Variants in SIDT2 observed in about 807,000 individuals in gnomAD.
SIDT2 encodes SID1 transmembrane family, member 2.
SIDT2 carries 68 observed loss-of-function variants against 114.4 expected under a neutral mutation model. The ratio of observed to expected loss-of-function variants is 0.59; its 90% CI spans 0.49 to 0.73. The LOEUF is 0.73. Among genes scored for constraint, SIDT2 ranks in the 30% least tolerant of loss-of-function variants. The pLI, the probability that SIDT2 is intolerant of heterozygous loss-of-function variation, is 0.00. For missense variants in SIDT2, 918 were observed against 1,097.1 expected, an observed-to-expected ratio of 0.84 and a Z score of 2.31; for synonymous variants, 470 against 438.4, an observed-to-expected ratio of 1.07 and a Z score of -0.90.
chr11:117,182,273 G>A (rs1460051415), intron 4 of SIDT2, 168 bp downstream of exon 4: 3 of 811,100 alleles, frequency 3.7e-6, no homozygotes, highest in Non-Finnish European at 5.9e-6. Flanking sequence ...CAGACAGCAT[G>A]GGACTGTACA....
chr11:117,189,528 C>T (rs1403525474), intron 15 of SIDT2, 127 bp downstream of exon 15: 4 of 1,014,064 alleles, frequency 3.9e-6, no homozygotes, highest in African/African-American at 3.2e-5. Context: ...TCTGCCTTCC[C>T]AGCCGAGTGA....
chr11:117,190,759 T>A lies in SIDT2; in HGVS notation c.1735+19T>A. ...CAGTTTGGTGAGTGGGGCGTCCTTC[T>A]TTTCTGGCTCAACCTACAGCAGGGA... On this transcript the variant is annotated intron_variant, in intron 18 of 25. Transcript: ENST00000324225. This position sits in a 1 kb window ranked among gnomAD's most constrained non-coding sequence, Gnocchi z 4.1. The A allele has an allele frequency of 1.9e-6, 3 of 1,594,030 alleles. 1 individual carries two copies. The South Asian group carries it at 3.3e-5, about 18-fold the overall frequency.
In SIDT2 at chr11:117,188,253, G is replaced by T; in HGVS notation, c.1160-455G>T. The stretch of plus-strand genomic sequence containing the variant: ...CATGGGGGTCACATTCTGGCCTCTG[G>T]ATAAAGGAGAAATGCTCTTTCTGCA... On this transcript the variant is annotated intron_variant, in intron 12 of 25. Coordinates refer to ENST00000324225, the MANE Select transcript of SIDT2 (RefSeq NM_001040455.2). This position sits in a 1 kb window ranked among gnomAD's most constrained non-coding sequence, Gnocchi z 4.0. 1 of 332,238 alleles carries T rather than the reference G, an allele frequency of 3.0e-6. No homozygotes were observed. Among genetic ancestry groups the T allele is most frequent in the Non-Finnish European group, 5.9e-6 (1 of 170,348 alleles). The allele number at this position is 332,238 out of a possible 1,614,324, so 20.6% of individuals were successfully genotyped here. A position where few individuals can be genotyped will look rare whatever the true frequency, so the allele number is the denominator to read the frequency against.
In SIDT2 at chr11:117,196,098, G is replaced by C; in HGVS notation, c.*32G>C. ...CTGGGCCCTTCGCTTCACCTCAAGG[G>C]GCCCTGAGCTCCTTTGTGTCATAGA... On this transcript the variant is annotated 3_prime_UTR_variant, in exon 26 of 26. Coordinates refer to ENST00000324225, the MANE Select transcript of SIDT2 (RefSeq NM_001040455.2). The surrounding 1 kb of genome is among the most constrained non-coding windows in gnomAD (Gnocchi z 4.9). 1 of 1,613,510 alleles carries C rather than the reference G, an allele frequency of 6.2e-7. No homozygotes were observed. Among genetic ancestry groups the C allele is most frequent in the Non-Finnish European group, 8.5e-7 (1 of 1,179,638 alleles).
chr11:117,196,249 A>C lies in SIDT2; in HGVS notation c.*183A>C. On this transcript the variant is annotated 3_prime_UTR_variant, in exon 26 of 26. Coordinates refer to ENST00000324225, the MANE Select transcript of SIDT2 (RefSeq NM_001040455.2). The surrounding 1 kb of genome is among the most constrained non-coding windows in gnomAD (Gnocchi z 4.9). ...GCCATGGGGTGGCATGGAACCTTGC[A>C]GCTGCCCTCTGCCGAGGAGCAGGCC... is the stretch of plus-strand genomic sequence containing the variant. 1 of 757,252 alleles carries C rather than the reference A, an allele frequency of 1.3e-6. No homozygotes were observed. The highest frequency in any genetic ancestry group is 2.7e-5 in the East Asian group (1 of 37,040). 46.9% of individuals were successfully genotyped at this position (757,252 alleles called of 1,614,324 possible).
Position 117,181,851 on chromosome 11 carries a change from G to A in SIDT2, c.350G>A (p.Cys117Tyr). 6.2e-7 allele frequency: 1 copy of A among 1,614,208 alleles called. No individual in the cohort carries two copies. The highest frequency in any genetic ancestry group is 8.5e-7 in the Non-Finnish European group (1 of 1,180,038). Residue 117 changes from cysteine to tyrosine, a missense_variant, in exon 3 of 26, where the codon TGT becomes TAT. Transcript: ENST00000324225. ...TACCAAAAAGTGGAACGAACCCTGTGTCAGCCCCCCACCAAGAATGAGTCG... is the reference window on the plus strand; with the variant it reads ...TACCAAAAAGTGGAACGAACCCTGTATCAGCCCCCCACCAAGAATGAGTCG... ...YLYQKVERTL[C>Y]QPPTKNESEI...
rs1205511516 is a variant in SIDT2 at position 117,197,169 on chromosome 11, A to C, written c.*1103A>C. 1 of 152,308 alleles carries C rather than the reference A, an allele frequency of 6.6e-6. No individual in the cohort carries two copies. Among genetic ancestry groups the C allele is most frequent in the Non-Finnish European group, 1.5e-5 (1 of 68,070 alleles). The allele number at this position is 152,308 out of a possible 1,614,324, so 9.4% of individuals were successfully genotyped here. ...TACCTATGAAACCTTGGAGTTTACA[A>C]AGAATTGCCCCAGCTCTGGGCACCC... On this transcript the variant is annotated 3_prime_UTR_variant, in exon 26 of 26. Transcript: ENST00000324225.
At chr11:117,183,621 G>C (rs1288527441) in intron 6 of SIDT2, among the ~76,000 whole-genome samples, 158 bp from the exon 7 acceptor site, 1 of 151,568 alleles carries the variant, frequency 6.6e-6, no homozygotes, top group Non-Finnish European at 1.5e-5. Flanking sequence ...CTAGGCAATA[G>C]GAGTGAAACT....
At chr11:117,181,349 C>T (rs1023859005) in intron 1 of SIDT2, 67 bp from the exon 2 acceptor site, 33 of 1,517,736 alleles carry the variant, frequency 2.2e-5, no homozygotes, top group Non-Finnish European at 2.9e-5. Flanking sequence ...GGGCAGGGCT[C>T]ATAGTCTCTG....
rs2030730997 is a variant in SIDT2, at chr11:117,192,275, G to C, written c.1894G>C (p.Ala632Pro). The C allele has an allele frequency of 3.7e-6, 6 of 1,611,180 alleles. No individual in the cohort carries two copies. The highest frequency in any genetic ancestry group is 5.1e-6 in the Non-Finnish European group (6 of 1,177,482). The change falls in exon 20 of 26, where the codon GCG becomes CCG. Residue 632 changes from alanine to proline, a missense_variant. Physicochemically the swap from Ala to Pro is conservative, Grantham distance 27. Around this residue, in one of 4 missense-constraint regions of SIDT2, gnomAD observed 275 missense variants for 397.6 expected, o/e 0.69. Transcript: ENST00000324225. This position sits in a 1 kb window ranked among gnomAD's most constrained non-coding sequence, Gnocchi z 5.9. ...LGVVFGKGNT[A>P]FWIVFSIIHI... ...ACAGGTCTTTGGCAAAGGGAACACG[G>C]CGTTCTGGATCGTCTTCTCCATCAT...
chr11:117,184,160 A>G, intron 8 of SIDT2, 21 bp downstream of exon 8: 4 of 1,611,186 alleles, frequency 2.5e-6, no homozygotes, highest in Non-Finnish European at 3.4e-6. Flanking sequence ...CAGGTGGCTG[A>G]GAGGGGATGG....
chr11:117,193,268 G>C lies in SIDT2; in HGVS notation c.2211+10G>C. ...CTACATCATCATGAAGGTGAGTGGG[G>C]CTGGCCAAGCCCCCTCTGTCAGCTG... On this transcript the variant is annotated intron_variant, in intron 23 of 25. Coordinates refer to ENST00000324225, the MANE Select transcript of SIDT2 (RefSeq NM_001040455.2). 1 of 1,607,432 alleles carries C rather than the reference G, an allele frequency of 6.2e-7. No individual in the cohort carries two copies. The highest frequency in any genetic ancestry group is 8.5e-7 in the Non-Finnish European group (1 of 1,175,000).
rs2030137762 is a variant in SIDT2 at position 117,178,979 on chromosome 11, G to A, written c.-285G>A. 1 of 383,026 alleles carries A rather than the reference G, an allele frequency of 2.6e-6. No homozygotes were observed. Among genetic ancestry groups the A allele is most frequent in the Non-Finnish European group, 4.7e-6 (1 of 211,680 alleles). 23.7% of individuals were successfully genotyped at this position (383,026 alleles called of 1,614,324 possible). ...TCACGGCCCTGGCCCGGGGCTCCAGGGTCTCAGGTCGTACTCAGCCCCTCG... is the reference window on the plus strand; with the variant it reads ...TCACGGCCCTGGCCCGGGGCTCCAGAGTCTCAGGTCGTACTCAGCCCCTCG... On this transcript the variant is annotated 5_prime_UTR_variant, in exon 1 of 26. Transcript: ENST00000324225.
In SIDT2 at chr11:117,186,339, G is replaced by T. The variant is rs565361824; in HGVS notation, c.962+116G>T. ...GTAATCTACACCATCCATAGCAGAT[G>T]ATGGTGGGGCTGTTAGAGTCTGTGG... On this transcript the variant is annotated intron_variant, in intron 9 of 25. Coordinates refer to ENST00000324225, the MANE Select transcript of SIDT2 (RefSeq NM_001040455.2). The T allele has an allele frequency of 4.2e-6, 4 of 954,012 alleles. No homozygotes were observed. The Admixed American group carries it at 5.8e-5, about 14-fold the overall frequency. 59.1% of individuals were successfully genotyped at this position (954,012 alleles called of 1,614,324 possible). A position where few individuals can be genotyped will look rare whatever the true frequency, so the allele number is the denominator to read the frequency against.
chr11:117,183,973 T>C, intron 7 of SIDT2, 95 bp downstream of exon 7: 1 of 1,516,054 alleles, frequency 6.6e-7, no homozygotes, highest in Non-Finnish European at 9.2e-7. Flanking sequence ...GTGGACCTGA[T>C]AGGACATGGG....
rs374975786 is a variant in SIDT2 at position 117,192,541 on chromosome 11, G to A, written c.1982-33G>A. On this transcript the variant is annotated intron_variant, in intron 20 of 25. Transcript: ENST00000324225. This position sits in a 1 kb window ranked among gnomAD's most constrained non-coding sequence, Gnocchi z 5.9. ...GGGGTCCAGCAAAGGAGGGTGCCCC[G>A]TGCCTGTCAGCACCACTCCCTTCTC... is the stretch of plus-strand genomic sequence containing the variant. The A allele has an allele frequency of 3.7e-6, 6 of 1,604,188 alleles. No individual in the cohort carries two copies. The highest frequency in any genetic ancestry group is 1.7e-5 in the Admixed American group (1 of 60,004).
chr11:117,186,487 A>G, intron 9 of SIDT2, 97 bp from the exon 10 acceptor site: 1 of 1,212,490 alleles, frequency 8.2e-7, no homozygotes, highest in South Asian at 1.5e-5. Flanking sequence ...GGTCATAGCG[A>G]TGAGAGTGGA....
chr11:117,192,542 T>C lies in SIDT2; in HGVS notation c.1982-32T>C. On this transcript the variant is annotated intron_variant, in intron 20 of 25. Transcript: ENST00000324225. This position sits in a 1 kb window ranked among gnomAD's most constrained non-coding sequence, Gnocchi z 5.9. ...GGGTCCAGCAAAGGAGGGTGCCCCGTGCCTGTCAGCACCACTCCCTTCTCT... is the reference window on the plus strand; with the variant it reads ...GGGTCCAGCAAAGGAGGGTGCCCCGCGCCTGTCAGCACCACTCCCTTCTCT... The C allele has an allele frequency of 6.2e-7, 1 of 1,604,774 alleles. No individual in the cohort carries two copies. Among genetic ancestry groups the C allele is most frequent in the Admixed American group, 1.7e-5 (1 of 60,018 alleles).
chr11:117,185,488 G>A (rs1268603551), intron 8 of SIDT2, among the ~76,000 whole-genome samples: 1 of 152,186 alleles, frequency 6.6e-6, no homozygotes, highest in African/African-American at 2.4e-5. Flanking sequence ...AAGAGCTGTG[G>A]TGAGCAAGGA....
Sources: gnomAD v4.1 joint callset for allele counts (sites outside exome capture counted in the v4.1 genomes callset) on GRCh38, gnomAD v4.1.1 for gene constraint, gnomAD v4.1.1 regional missense constraint, Gnocchi (gnomAD v3.1) non-coding constraint, MANE v1.5 for transcripts, NCBI Gene and HGNC (gene_info 2026-07-23, HGNC 2026-07-21) for gene names.